The following SCN3A variants were observed in gnomAD, a reference collection of about 807,000 sequenced individuals.
The protein encoded by SCN3A is sodium voltage-gated channel alpha subunit 3, also known as sodium channel protein type 3 subunit alpha.
SCN3A carries 60 observed loss-of-function variants against 187.6 expected under a neutral mutation model. The observed-to-expected ratio is 0.32, with a 90% CI of 0.26 to 0.40. The LOEUF (loss-of-function observed/expected upper bound fraction) is 0.40, where lower values mean the gene tolerates loss of function less well. SCN3A is among the 10% of genes least tolerant of loss of function. SCN3A has a pLI of 1.00. For missense variants in SCN3A, 1,601 were observed against 2,428.2 expected (o/e 0.66, Z 7.16); for synonymous variants, 788 against 829.2 (o/e 0.95, Z 0.85).
At chr2:165,174,369 A>C (rs1237348691) in intron 3 of SCN3A, among the ~76,000 whole-genome samples, 2 of 152,196 alleles carry the variant, frequency 1.3e-5, no homozygotes, top group Non-Finnish European at 2.9e-5. Context: ...AGCTGACCTA[A>C]TCAAATGATG....
intron 9 of SCN3A, among the ~76,000 whole-genome samples, chr2:165,157,118 G>A (rs566626152): frequency 2.0e-5 from 3 of 152,090 alleles, no homozygotes; most frequent in Middle Eastern, 3.4e-3. Context: ...CACAGTGTTA[G>A]CCAGGATGGT....
At chr2:165,165,104 A>C (rs1473543859) in intron 5 of SCN3A, among the ~76,000 whole-genome samples, 1 of 151,962 alleles carries the variant, frequency 6.6e-6, no homozygotes, top group East Asian at 1.9e-4. Flanking sequence ...TAATGAGTAG[A>C]CTCATTTTGA....
chr2:165,185,042 G>T (rs1691142764), intron 2 of SCN3A, among the ~76,000 whole-genome samples: 1 of 150,008 alleles, frequency 6.7e-6, no homozygotes, highest in African/African-American at 2.5e-5. Context: ...TCTGTACCTG[G>T]ACTCAATGTC....
In SCN3A at chr2:165,154,269, G is replaced by T. The variant is rs7561140; in HGVS notation, c.1380+183C>A. ...CTAGCTGATTTCTTTATATACAGTG[G>T]CTAAAAAGTTTGTTAGACTCTAACT... On this transcript the variant is annotated intron_variant, in intron 11 of 27. Transcript: ENST00000283254. Among the ~76,000 whole-genome samples the T allele has an allele frequency of 0.73, 110,982 of 151,876 alleles. 40,663 individuals carry two copies. The highest frequency in any genetic ancestry group is 0.84 in the East Asian group (4,326 of 5,154).
At chr2:165,151,650 T>C (rs921902739) in intron 11 of SCN3A, among the ~76,000 whole-genome samples, 2 of 152,258 alleles carry the variant, frequency 1.3e-5, no homozygotes, top group Non-Finnish European at 2.9e-5. Context: ...GCAGACTCCA[T>C]GAATGGATGA....
At chr2:165,103,762 TAAAG>T (rs1239817106) in intron 21 of SCN3A, among the ~76,000 whole-genome samples, 2 of 152,112 alleles carry the variant, frequency 1.3e-5, no homozygotes, top group Non-Finnish European at 2.9e-5. Context: ...TGAAAATGGC[TAAAG>T]ACAATGTTTA....
intron 2 of SCN3A, among the ~76,000 whole-genome samples, chr2:165,185,989 T>C (rs1691203326): frequency 6.6e-6 from 1 of 152,102 alleles, no homozygotes. Flanking sequence ...AAAAACTCAG[T>C]TGCTGGGCGC....
chr2:165,130,800 T>G (rs1037160773), intron 16 of SCN3A, among the ~76,000 whole-genome samples: 2 of 152,166 alleles, frequency 1.3e-5, no homozygotes, highest in Non-Finnish European at 1.5e-5. Flanking sequence ...AATAAAATTT[T>G]GTGATAATTC....
intron 3 of SCN3A, among the ~76,000 whole-genome samples, chr2:165,172,828 G>C (rs959405731): frequency 2.6e-5 from 4 of 152,108 alleles, no homozygotes; most frequent in African/African-American, 7.2e-5. Flanking sequence ...CAGGCCTTAA[G>C]ACTACAATCC....
chr2:165,134,559 A>G (rs901316690), intron 15 of SCN3A, among the ~76,000 whole-genome samples: 2 of 152,186 alleles, frequency 1.3e-5, no homozygotes, highest in African/African-American at 2.4e-5. Flanking sequence ...GTAGTCATCC[A>G]TTCACTCAAA....
At chr2:165,161,133 C>CTTTTTTTTTTTTTTT (rs1689347056) in intron 9 of SCN3A, among the ~76,000 whole-genome samples, 1 of 83,688 alleles carries the variant, frequency 1.2e-5, no homozygotes, top group Non-Finnish European at 2.6e-5. Context: ...TTTTTTCTTT[C>CTTTTTTTTTTTTTTT]TTTCTTTTTT....
intron 1 of SCN3A, among the ~76,000 whole-genome samples, chr2:165,190,546 TTATA>T (rs999394520): frequency 8.2e-5 from 12 of 145,922 alleles, no homozygotes; most frequent in Non-Finnish European, 1.5e-4. Context: ...CATTTTATAT[TTATA>T]TATAACTTTA....
chr2:165,201,934 T>C (rs1361409168), intron 1 of SCN3A, among the ~76,000 whole-genome samples: 2 of 152,066 alleles, frequency 1.3e-5, no homozygotes, highest in Non-Finnish European at 2.9e-5. Flanking sequence ...TTCCTTCCTT[T>C]GTAGGCAAGG....
chr2:165,202,254 A>G (rs978952961), intron 1 of SCN3A, among the ~76,000 whole-genome samples: 1 of 152,072 alleles, frequency 6.6e-6, no homozygotes, highest in Admixed American at 6.6e-5. Context: ...TGGCGACCAC[A>G]TGTATAGATG....
Position 165,131,357 on chromosome 2 carries a change from A to G in SCN3A, c.2452T>C (p.Tyr818His). Residue 818 changes from tyrosine to histidine, a missense_variant, in exon 16 of 28, where the codon TAC becomes CAC. Coordinates refer to ENST00000283254, the MANE Select transcript of SCN3A (RefSeq NM_006922.4). ...VLKIIAMDPY[Y>H]YFQEGWNIFD... Reference sequence around the variant, plus strand: ...ATATTCCAGCCTTCTTGGAAATAGTAATAAGGATCCATGGCAATGATCTTG... The same window carrying G: ...ATATTCCAGCCTTCTTGGAAATAGTGATAAGGATCCATGGCAATGATCTTG... 1 of 1,608,990 alleles carries G rather than the reference A, an allele frequency of 6.2e-7. No individual in the cohort carries two copies. The highest frequency in any genetic ancestry group is 8.5e-7 in the Non-Finnish European group (1 of 1,176,928).
intron 25 of SCN3A, among the ~76,000 whole-genome samples, chr2:165,095,243 T>C (rs1685312364): frequency 6.6e-6 from 1 of 152,120 alleles, no homozygotes; most frequent in African/African-American, 2.4e-5. Flanking sequence ...TGAAAGGCTC[T>C]GTAAGCCAAG....
At chr2:165,145,165 A>G (rs1028458496) in intron 12 of SCN3A, among the ~76,000 whole-genome samples, 1 of 152,174 alleles carries the variant, frequency 6.6e-6, no homozygotes, top group African/African-American at 2.4e-5. Context: ...AAGTGACTTG[A>G]CCAACGTCAC....
chr2:165,168,830 AT>A lies in SCN3A; in HGVS notation c.384-6del. The A allele has an allele frequency of 1.3e-6, 2 of 1,599,808 alleles. No individual in the cohort carries two copies. Among genetic ancestry groups the A allele is most frequent in the Non-Finnish European group, 1.7e-6 (2 of 1,167,314 alleles). On this transcript the variant is annotated splice_region_variant and splice_polypyrimidine_tract_variant and intron_variant, in intron 4 of 27. Transcript: ENST00000283254. ...ATGATAAGCATGCTGAATAAAGTAG[AT>A]TATAGTTAAGGAATAAATGTTAGTA...
At position 165,127,911 on chromosome 2, in the gene SCN3A, TCTATAA is replaced by T. The variant is rs1374445188; in HGVS notation, c.3107_3112del (p.Val1036_Ile1037del). ...GTCTATCTTATTGCCTTCATGGATT[TCTATAA>T]CTTTTGGCTTTCTAAAAAAGGCTTT... is the stretch of plus-strand genomic sequence containing the variant. On this transcript the variant is annotated inframe_deletion, in exon 18 of 28. Transcript: ENST00000283254. The T allele has an allele frequency of 6.2e-7, 1 of 1,614,166 alleles. No homozygotes were observed. Among genetic ancestry groups the T allele is most frequent in the Non-Finnish European group, 8.5e-7 (1 of 1,180,026 alleles).
Sources: allele counts gnomAD v4.1 joint callset (sites outside exome capture counted in the v4.1 genomes callset), GRCh38; gene constraint gnomAD v4.1.1; transcripts MANE v1.5; gene names NCBI Gene and HGNC (gene_info 2026-07-23, HGNC 2026-07-21).